Variants in PDCL observed in about 807,000 individuals in gnomAD.
PDCL encodes phosducin-like protein.
Under a neutral mutation model 26.7 loss-of-function variants are expected in PDCL, and 11 were observed. The observed-to-expected ratio is 0.41, with a 90% CI of 0.26 to 0.68. The LOEUF is 0.68. Among genes scored for constraint, PDCL ranks in the 30% least tolerant of loss-of-function variants. The probability of loss-of-function intolerance (pLI) is 0.30; values close to 1 mark genes in which losing one functional copy is unlikely to be tolerated. For missense variants in PDCL, 330 were observed against 371.6 expected, an observed-to-expected ratio of 0.89 and a Z score of 0.92; for synonymous variants, 118 against 134.9, an observed-to-expected ratio of 0.87 and a Z score of 0.87.
At chr9:122,823,336 C>T in intron 2 of PDCL, 139 bp from the exon 3 acceptor site, 1 of 819,774 alleles carries the variant, frequency 1.2e-6, no homozygotes, top group Non-Finnish European at 2.0e-6. Context: ...TCTGTGTACT[C>T]TGCCACAGGG....
chr9:122,821,404 C>A (rs1829552701), intron 3 of PDCL, among the ~76,000 whole-genome samples: 1 of 151,850 alleles, frequency 6.6e-6, no homozygotes, highest in Admixed American at 6.6e-5. Context: ...CTGCCCCACA[C>A]CATCCCCAAA....
rs755834644 is a variant in PDCL at position 122,826,599 on chromosome 9, C to T, written c.172+17G>A. On this transcript the variant is annotated intron_variant, in intron 2 of 3. Transcript: ENST00000259467. ...CATTTTTTAAGCCTGTTCCCAGAGC[C>T]CAGGGTTTCTCAGTACCTGTGTTAA... is the stretch of plus-strand genomic sequence containing the variant. The T allele has an allele frequency of 1.2e-6, 2 of 1,607,718 alleles. No individual in the cohort carries two copies.
chr9:122,824,839 T>C (rs1829603206), intron 2 of PDCL, among the ~76,000 whole-genome samples: 1 of 152,216 alleles, frequency 6.6e-6, no homozygotes, highest in Non-Finnish European at 1.5e-5. Context: ...GAAGAGGGTC[T>C]AGCCTCACCA....
Position 122,818,826 on chromosome 9 carries a change from A to G in PDCL, c.*1259T>C, listed in dbSNP as rs1829517998. On this transcript the variant is annotated 3_prime_UTR_variant, in exon 4 of 4. Coordinates refer to ENST00000259467, the MANE Select transcript of PDCL (RefSeq NM_005388.5). The stretch of plus-strand genomic sequence containing the variant: ...GACTAGAAATATGACAAAAGGGATT[A>G]ATTTTGGTTGGTGGAATTATATGGC... 2 of 152,076 alleles carry G rather than the reference A, an allele frequency of 1.3e-5. 1 individual carries two copies. The highest frequency in any genetic ancestry group is 4.1e-4 in the South Asian group (2 of 4,828). The allele number at this position is 152,076 out of a possible 1,614,324, so 9.4% of individuals were successfully genotyped here.
At chr9:122,825,576 T>A (rs2131363831) in intron 2 of PDCL, among the ~76,000 whole-genome samples, 1 of 152,118 alleles carries the variant, frequency 6.6e-6, no homozygotes, top group African/African-American at 2.4e-5. Context: ...TACATAAAAA[T>A]AAAATTTTTC....
chr9:122,826,538 TATTAATATGTATTTA>T (rs894801407), intron 2 of PDCL, 63 bp downstream of exon 2: 38 of 1,180,142 alleles, frequency 3.2e-5, no homozygotes, highest in Admixed American at 1.2e-4. Context: ...AGAATTAATT[TATTAATATGTATTTA>T]ATTAATATGT....
chr9:122,826,859 G>C, intron 1 of PDCL, 67 bp from the exon 2 acceptor site: 1 of 1,475,360 alleles, frequency 6.8e-7, no homozygotes. Context: ...CTGAAGCATA[G>C]GGGGCTCGCC....
chr9:122,827,765 A>C (rs1829647966), intron 1 of PDCL, among the ~76,000 whole-genome samples: 1 of 152,110 alleles, frequency 6.6e-6, no homozygotes, highest in East Asian at 1.9e-4. Flanking sequence ...ATAAAGGACC[A>C]GGCTTCTGCA....
At position 122,820,535 on chromosome 9, in the gene PDCL, A is replaced by T. The variant is rs1206863551; in HGVS notation, c.456T>A (p.Leu152=). 6.2e-7 allele frequency: 1 copy of T among 1,614,002 alleles called. No individual in the cohort carries two copies. Among genetic ancestry groups the T allele is most frequent in the Non-Finnish European group, 8.5e-7 (1 of 1,180,012 alleles). Residue 152 remains leucine, a synonymous_variant, in exon 4 of 4, where the codon CTT becomes CTA. Transcript: ENST00000259467. ...KQRMEEMRQQ[L]HKGPQFKQVF... ...CCTGCTTGAATTGGGGCCCCTTGTG[A>T]AGCTGCTGCCGCATCTCTTCCATTC...
In PDCL at chr9:122,818,452, A is replaced by C. The variant is rs1277091463; in HGVS notation, c.*1633T>G. 6.6e-6 allele frequency: 1 copy of C among 152,140 alleles called. No individual in the cohort carries two copies. Among genetic ancestry groups the C allele is most frequent in the Non-Finnish European group, 1.5e-5 (1 of 68,028 alleles). 9.4% of individuals were successfully genotyped at this position (152,140 alleles called of 1,614,324 possible). ...ACAGAACTAAATTCAGTAAGTACTC[A>C]ATGTTTATAAAAATATTGAAAAAAG... On this transcript the variant is annotated 3_prime_UTR_variant, in exon 4 of 4. Coordinates refer to ENST00000259467, the MANE Select transcript of PDCL (RefSeq NM_005388.5).
intron 3 of PDCL, among the ~76,000 whole-genome samples, chr9:122,822,389 TAAA>T (rs754227915): frequency 3.7e-5 from 5 of 133,504 alleles, no homozygotes; most frequent in Non-Finnish European, 3.3e-5. Context: ...CTGTCTCTAT[TAAA>T]AAAAAAAAAA....
At chr9:122,821,504 G>A (rs1362092251) in intron 3 of PDCL, among the ~76,000 whole-genome samples, 1 of 152,152 alleles carries the variant, frequency 6.6e-6, no homozygotes, top group Non-Finnish European at 1.5e-5. Flanking sequence ...AGCAGCAGCT[G>A]TGGGTGTACC....
At position 122,819,813 on chromosome 9, in the gene PDCL, T is replaced by C. The variant is rs894613554; in HGVS notation, c.*272A>G. The C allele has an allele frequency of 2.4e-5, 7 of 297,032 alleles. No homozygotes were observed. The highest frequency in any genetic ancestry group is 1.3e-4 in the African/African-American group (6 of 45,656). The allele number at this position is 297,032 out of a possible 1,614,324, so 18.4% of individuals were successfully genotyped here. A position where few individuals can be genotyped will look rare whatever the true frequency, so the allele number is the denominator to read the frequency against. ...CTGTCTTTAGGATGCTTTGTAAATA[T>C]TGACTGGAAACAATAACAGAGATGT... is the stretch of plus-strand genomic sequence containing the variant. On this transcript the variant is annotated 3_prime_UTR_variant, in exon 4 of 4. Transcript: ENST00000259467.
Position 122,820,298 on chromosome 9 carries a change from A to G in PDCL, c.693T>C (p.Asn231=). ...VIGASSQFTR[N]ALPALLIYKG... Reference sequence around the variant, plus strand: ...TATAGATCAGCAGGGCAGGAAGGGCATTCCTGGTGAACTGACTGCTGGCGC... The same window carrying G: ...TATAGATCAGCAGGGCAGGAAGGGCGTTCCTGGTGAACTGACTGCTGGCGC... The change falls in exon 4 of 4, where the codon AAT becomes AAC. Residue 231 remains asparagine (N), a synonymous_variant. Coordinates refer to ENST00000259467, the MANE Select transcript of PDCL (RefSeq NM_005388.5). The G allele has an allele frequency of 6.2e-7, 1 of 1,614,142 alleles. No individual in the cohort carries two copies. Among genetic ancestry groups the G allele is most frequent in the South Asian group, 1.1e-5 (1 of 91,082 alleles).
At chr9:122,820,822 T>TA (rs5900544) in intron 3 of PDCL, 186 bp from the exon 4 acceptor site, 21,981 of 300,942 alleles carry the variant, frequency 0.073, 4 homozygotes, top group South Asian at 0.12. Context: ...CATCTCTCCT[T>TA]AAAAAAAAAA....
intron 2 of PDCL, among the ~76,000 whole-genome samples, chr9:122,824,319 G>A (rs1248813240): frequency 4.7e-4 from 71 of 152,152 alleles, no homozygotes; most frequent in Admixed American, 4.6e-3. Context: ...CCATGTCTGA[G>A]CAAAACAAAA....
intron 3 of PDCL, among the ~76,000 whole-genome samples, chr9:122,822,276 C>T (rs1221482631): frequency 6.6e-6 from 1 of 151,970 alleles, no homozygotes; most frequent in African/African-American, 2.4e-5. Flanking sequence ...CATCACGGGC[C>T]GGGCACCACG....
chr9:122,825,880 G>T (rs565629958), intron 2 of PDCL, among the ~76,000 whole-genome samples: 1 of 152,222 alleles, frequency 6.6e-6, no homozygotes, highest in East Asian at 1.9e-4. Flanking sequence ...AACAAAGTGA[G>T]ACCCCATCTC....
intron 2 of PDCL, among the ~76,000 whole-genome samples, chr9:122,823,704 T>C (rs529567847): frequency 5.3e-5 from 8 of 152,262 alleles, no homozygotes; most frequent in African/African-American, 1.2e-4. Flanking sequence ...CTCCAGGTAG[T>C]AGGATCTAAG....
Sources: allele counts gnomAD v4.1 joint callset (sites outside exome capture counted in the v4.1 genomes callset), GRCh38; gene constraint gnomAD v4.1.1; transcripts MANE v1.5; gene names NCBI Gene and HGNC (gene_info 2026-07-23, HGNC 2026-07-21).